The following GRID2 variants were observed in gnomAD, a reference collection of about 807,000 sequenced individuals.
GRID2 encodes the protein glutamate receptor ionotropic, delta-2.
In GRID2, 33 loss-of-function variants were observed where a neutral mutation model predicts 114.8. The ratio of observed to expected loss-of-function variants is 0.29; its 90% CI spans 0.22 to 0.38. The LOEUF is 0.38. Among genes scored for constraint, GRID2 ranks in the 10% least tolerant of loss-of-function variants. The pLI, the probability that GRID2 is intolerant of heterozygous loss-of-function variation, is 1.00. For missense variants in GRID2, 1,184 were observed against 1,257.7 expected, an observed-to-expected ratio of 0.94 and a Z score of 0.89; for synonymous variants, 505 against 449.9, an observed-to-expected ratio of 1.12 and a Z score of -1.55.
chr4:92,474,464 A>C (rs11941374), intron 1 of GRID2, among the ~76,000 whole-genome samples: 17,611 of 152,144 alleles, frequency 0.12, 1,064 homozygotes, highest in South Asian at 0.16. Flanking sequence ...TTGTGAATAA[A>C]GCTGCAGTGG....
rs1050884019 is a variant in GRID2 at position 93,085,080 on chromosome 4, C to G, written c.330C>G (p.Asp110Glu). Residue 110 changes from aspartate to glutamate, a missense_variant, in exon 3 of 16, where the codon GAC (aspartate) becomes GAG (glutamate). Physicochemically the swap from Asp to Glu is conservative, Grantham distance 45. This residue lies in a region of GRID2 where 455 missense variants were observed against 429.5 expected (regional missense o/e 1.06). Transcript: ENST00000282020. ...CAGGATCCCTCCAGTCTTTGGCAGA[C>G]GCCATGCATATCCCCCACCTCTTCA... ...TSAGSLQSLA[D>E]AMHIPHLFIQ... 1 of 1,614,040 alleles carries G rather than the reference C, an allele frequency of 6.2e-7. No homozygotes were observed. Among genetic ancestry groups the G allele is most frequent in the South Asian group, 1.1e-5 (1 of 91,086 alleles).
intron 2 of GRID2, among the ~76,000 whole-genome samples, chr4:92,704,701 A>ATC (rs778705188): frequency 0.013 from 1,508 of 113,438 alleles, 25 homozygotes; most frequent in African/African-American, 0.042. Context: ...CAATCAATCA[A>ATC]TCTCTCTCTC....
At chr4:92,543,512 A>G (rs1295337596) in intron 1 of GRID2, among the ~76,000 whole-genome samples, 2 of 152,194 alleles carry the variant, frequency 1.3e-5, no homozygotes, top group East Asian at 3.8e-4. Context: ...CTTTCCAATC[A>G]TCAGGCATTT....
chr4:92,761,871 C>T lies in GRID2; in HGVS notation c.244+171585C>T, dbSNP rs79520089. 5.3e-5 allele frequency among the ~76,000 whole-genome samples: 8 copies of T among 152,110 alleles called. No individual in the cohort carries two copies. The East Asian group carries it at 1.2e-3, about 22-fold the overall frequency. On this transcript the variant is annotated intron_variant, in intron 2 of 15. Coordinates refer to ENST00000282020, the MANE Select transcript of GRID2 (RefSeq NM_001510.4). ...GAAGAAAATGCCAAGTTCCTGACTT[C>T]GATTTGAAAATATAAAATATAATAT...
intron 1 of GRID2, among the ~76,000 whole-genome samples, chr4:93,787,270 C>T (rs1734611296): frequency 2.0e-5 from 3 of 151,912 alleles, no homozygotes; most frequent in Admixed American, 2.0e-4. Context: ...TCTGACTTGA[C>T]TACCATAGAG....
chr4:93,426,480 C>G (rs189159867), intron 10 of GRID2, among the ~76,000 whole-genome samples: 16 of 152,158 alleles, frequency 1.1e-4, no homozygotes, highest in Admixed American at 7.9e-4. Flanking sequence ...ACTACACTTG[C>G]TAGATGCAAA....
At chr4:93,233,573 C>G (rs1323984816) in intron 7 of GRID2, among the ~76,000 whole-genome samples, 2 of 151,926 alleles carry the variant, frequency 1.3e-5, no homozygotes, top group Non-Finnish European at 2.9e-5. Flanking sequence ...GAACTCCTGA[C>G]CTCAGGTGAT....
At chr4:93,704,382 G>C (rs1374807423) in intron 14 of GRID2, among the ~76,000 whole-genome samples, 1 of 152,062 alleles carries the variant, frequency 6.6e-6, no homozygotes, top group Non-Finnish European at 1.5e-5. Context: ...GTTCATTGTA[G>C]AGTCTTGATA....
chr4:92,483,037 G>A (rs558861969), intron 1 of GRID2, among the ~76,000 whole-genome samples: 1 of 152,076 alleles, frequency 6.6e-6, no homozygotes, highest in Non-Finnish European at 1.5e-5. Context: ...AACTGACATA[G>A]TTGGTCAAAA....
chr4:93,762,762 G>A (rs1446793316), intron 14 of GRID2, among the ~76,000 whole-genome samples: 3 of 152,096 alleles, frequency 2.0e-5, no homozygotes, highest in Admixed American at 6.6e-5. Flanking sequence ...GCAGGGTCAG[G>A]AAAAAGCACA....
At position 92,347,872 on chromosome 4, in the gene GRID2, C is replaced by T. The variant is rs527405174; in HGVS notation, c.88+43128C>T. Among the ~76,000 whole-genome samples, 349 of 152,108 alleles carry T rather than the reference C, an allele frequency of 2.3e-3. 1 individual carries two copies. The highest frequency in any genetic ancestry group is 6.2e-3 in the Admixed American group (94 of 15,258). ...AATATAATATTATATTGTAATATTACGTAATTGTAATATTACGTTTTATGA... is the reference window on the plus strand; with the variant it reads ...AATATAATATTATATTGTAATATTATGTAATTGTAATATTACGTTTTATGA... On this transcript the variant is annotated intron_variant, in intron 1 of 15. Coordinates refer to ENST00000282020, the MANE Select transcript of GRID2 (RefSeq NM_001510.4).
chr4:93,537,908 A>G (rs1027757290), intron 13 of GRID2, among the ~76,000 whole-genome samples: 1 of 151,640 alleles, frequency 6.6e-6, no homozygotes, highest in Non-Finnish European at 1.5e-5. Flanking sequence ...TTTTACCTCC[A>G]TAATGCAGTT....
At chr4:93,705,152 G>T (rs1415865969) in intron 14 of GRID2, among the ~76,000 whole-genome samples, 3 of 152,040 alleles carry the variant, frequency 2.0e-5, no homozygotes, top group Non-Finnish European at 4.4e-5. Context: ...ATTTTAACTG[G>T]GGGTGCAACG....
intron 1 of GRID2, among the ~76,000 whole-genome samples, chr4:92,330,651 C>T (rs898306147): frequency 1.3e-5 from 2 of 151,900 alleles, no homozygotes; most frequent in Non-Finnish European, 2.9e-5. Flanking sequence ...AACAAAGTAG[C>T]TAATATAATA....
At chr4:93,597,274 A>T (rs1381439193) in intron 13 of GRID2, among the ~76,000 whole-genome samples, 3 of 152,178 alleles carry the variant, frequency 2.0e-5, no homozygotes, top group Non-Finnish European at 4.4e-5. Context: ...TCCTCATGTG[A>T]TAGTAACTAT....
intron 9 of GRID2, among the ~76,000 whole-genome samples, 185 bp downstream of exon 9, chr4:93,395,893 C>T (rs933363382): frequency 1.3e-5 from 2 of 151,892 alleles, no homozygotes; most frequent in Non-Finnish European, 2.9e-5. Context: ...CACAGTTTTG[C>T]AGACTTTTAA....
At chr4:93,538,782 A>G (rs924601824) in intron 13 of GRID2, among the ~76,000 whole-genome samples, 13 of 151,850 alleles carry the variant, frequency 8.6e-5, no homozygotes, top group Non-Finnish European at 1.5e-4. Flanking sequence ...AGGTTATGAA[A>G]AACAAGTCAA....
At chr4:93,376,224 G>A (rs184923014) in intron 8 of GRID2, among the ~76,000 whole-genome samples, 93 of 141,656 alleles carry the variant, frequency 6.6e-4, no homozygotes, top group Non-Finnish European at 1.0e-3. Flanking sequence ...TAAATGAATG[G>A]AAGTCATACC....
At chr4:93,671,698 G>A (rs1356661642) in intron 14 of GRID2, among the ~76,000 whole-genome samples, 2 of 152,170 alleles carry the variant, frequency 1.3e-5, no homozygotes, top group African/African-American at 4.8e-5. Context: ...GTTGGGCGCA[G>A]TGGCTCACAC....
Sources: gnomAD v4.1 joint callset for allele counts (sites outside exome capture counted in the v4.1 genomes callset) on GRCh38, gnomAD v4.1.1 for gene constraint, gnomAD v4.1.1 regional missense constraint, MANE v1.5 for transcripts, NCBI Gene and HGNC (gene_info 2026-07-23, HGNC 2026-07-21) for gene names.